Variants in BRWD3 observed in about 807,000 individuals in gnomAD.
BRWD3 encodes the protein bromodomain and WD repeat domain containing 3.
BRWD3 carries 10 observed loss-of-function variants against 149.7 expected under a neutral mutation model. The ratio of observed to expected loss-of-function variants is 0.07; its 90% CI spans 0.04 to 0.11. The LOEUF is 0.11. Ranked by LOEUF, BRWD3 falls within the 10% of genes least tolerant of loss-of-function variation. The pLI, the probability that BRWD3 is intolerant of heterozygous loss-of-function variation, is 1.00. For missense variants in BRWD3, 940 were observed against 1,373.2 expected, an observed-to-expected ratio of 0.68 and a Z score of 4.99; for synonymous variants, 504 against 456.7, an observed-to-expected ratio of 1.10 and a Z score of -1.32.
intron 6 of BRWD3, among the ~76,000 whole-genome samples, chrX:80,780,385 ATC>A (rs1225341321): frequency 2.7e-5 from 3 of 111,450 alleles, no homozygotes; most frequent in Non-Finnish European, 3.8e-5. Context: ...ATATAATAAA[ATC>A]TGTTTCATTT....
At chrX:80,716,085 G>A in intron 20 of BRWD3, 72 bp downstream of exon 20, 4 of 868,029 alleles carry the variant, frequency 4.6e-6, no homozygotes, top group African/African-American at 3.9e-5. Context: ...CACAACTGCT[G>A]CCTCTCAAAA....
In BRWD3 at chrX:80,686,987, C is replaced by T; in HGVS notation, c.3881G>A (p.Arg1294Lys). The change falls in exon 35 of 41, where the codon AGA becomes AAA. Residue 1294 changes from arginine to lysine, a missense_variant. Arg to Lys is a conservative substitution (Grantham distance 26). Around this residue, in one of 6 missense-constraint regions of BRWD3, gnomAD observed 349 missense variants for 419.6 expected, o/e 0.83. Transcript: ENST00000373275. ...AGGATTACACTTTAAAGACTGTCTT[C>T]TGCCTCGGCATTTGACCTACAGATT... ...SSGRKVKCRG[R>K]RQSLKCNPDA... 1 of 1,209,234 alleles carries T rather than the reference C, an allele frequency of 8.3e-7. No individual in the cohort carries two copies. The highest frequency in any genetic ancestry group is 1.1e-6 in the Non-Finnish European group (1 of 894,024).
chrX:80,713,588 G>C (rs1251013424), intron 20 of BRWD3, among the ~76,000 whole-genome samples: 2 of 109,922 alleles, frequency 1.8e-5, no homozygotes, highest in African/African-American at 3.3e-5. Flanking sequence ...AGGAAAACCA[G>C]AGACCTTTGT....
chrX:80,702,079 A>G lies in BRWD3; in HGVS notation c.2835+1401T>C, dbSNP rs1602322852. ...TTTTAAGAAGCAATGATCTGTATGT[A>G]GGGATATCTAGGCAAGACAATGAAG... On this transcript the variant is annotated intron_variant, in intron 24 of 40. Coordinates refer to ENST00000373275, the MANE Select transcript of BRWD3 (RefSeq NM_153252.5). 2.7e-5 allele frequency among the ~76,000 whole-genome samples: 3 copies of G among 112,344 alleles called. No homozygotes were observed. In the East Asian group the frequency reaches 8.4e-4, roughly 31 times the overall value.
chrX:80,740,603 G>C (rs1183709281), intron 8 of BRWD3, among the ~76,000 whole-genome samples: 1 of 111,458 alleles, frequency 9.0e-6, no homozygotes, highest in Non-Finnish European at 1.9e-5. Flanking sequence ...ACAAAATATA[G>C]CCGGATGTGG....
rs1330343482 is a variant in BRWD3, at chrX:80,673,346, C to A, written c.*3263G>T. On this transcript the variant is annotated 3_prime_UTR_variant, in exon 41 of 41. Transcript: ENST00000373275. ...GAGGGACACAGGTATATGACAAAACCTGGACTGGTTATCTAGAAGGCATAA... is the reference window on the plus strand; with the variant it reads ...GAGGGACACAGGTATATGACAAAACATGGACTGGTTATCTAGAAGGCATAA... 1 of 110,603 alleles carries A rather than the reference C, an allele frequency of 9.0e-6. No homozygotes were observed. The highest frequency in any genetic ancestry group is 1.9e-5 in the Non-Finnish European group (1 of 52,808). 9.1% of individuals were successfully genotyped at this position (110,603 alleles called of 1,213,427 possible). A position where few individuals can be genotyped will look rare whatever the true frequency, so the allele number is the denominator to read the frequency against.
At chrX:80,746,920 A>G (rs1348973823) in intron 6 of BRWD3, 41 of 590,055 alleles carry the variant, frequency 6.9e-5, no homozygotes, top group Non-Finnish European at 8.4e-5. Context: ...TAGCAAAATC[A>G]GTGACATGTT....
intron 6 of BRWD3, among the ~76,000 whole-genome samples, chrX:80,764,275 T>C (rs1291819651): frequency 1.8e-5 from 2 of 111,366 alleles, no homozygotes; most frequent in African/African-American, 6.5e-5. Context: ...AAAAAAGACA[T>C]GGGAGAAAAT....
At position 80,676,443 on chromosome X, in the gene BRWD3, T is replaced by C; in HGVS notation, c.*166A>G. 1.6e-6 allele frequency: 1 copy of C among 609,941 alleles called. No individual in the cohort carries two copies. Among genetic ancestry groups the C allele is most frequent in the Non-Finnish European group, 2.5e-6 (1 of 397,195 alleles). The allele number at this position is 609,941 out of a possible 1,213,427, so 50.3% of individuals were successfully genotyped here. A position where few individuals can be genotyped will look rare whatever the true frequency, so the allele number is the denominator to read the frequency against. ...GTAAGGCTTATTTGAACAAATGAAG[T>C]GTGGAGATCAAAAGTCTTGAAACAA... On this transcript the variant is annotated 3_prime_UTR_variant, in exon 41 of 41. Transcript: ENST00000373275.
chrX:80,682,167 T>C (rs970116921), intron 38 of BRWD3, 73 bp from the exon 39 acceptor site: 145 of 864,884 alleles, frequency 1.7e-4, no homozygotes, highest in Non-Finnish European at 2.1e-4. Flanking sequence ...GACAGTATGA[T>C]ACAAAGAGGT....
chrX:80,807,125 T>C lies in BRWD3; in HGVS notation c.180+1414A>G, dbSNP rs529992268. ...GTTAAAACATATTAGTAGGCACTGT[T>C]GTTTTTGCCTCTTTTAGGGGGAGGG... On this transcript the variant is annotated intron_variant, in intron 4 of 40. Coordinates refer to ENST00000373275, the MANE Select transcript of BRWD3 (RefSeq NM_153252.5). 3.6e-5 allele frequency among the ~76,000 whole-genome samples: 4 copies of C among 112,246 alleles called. No homozygotes were observed. The South Asian group carries it at 1.5e-3, about 41-fold the overall frequency.
Position 80,712,573 on chromosome X carries a change from T to C in BRWD3, c.2326-2996A>G, listed in dbSNP as rs376137184. Among the ~76,000 whole-genome samples, 623 of 107,716 alleles carry C rather than the reference T, an allele frequency of 5.8e-3. 5 individuals carry two copies. The highest frequency in any genetic ancestry group is 0.02 in the African/African-American group (568 of 28,625). 93.5% of individuals were successfully genotyped at this position (107,716 alleles called of 115,157 possible). On this transcript the variant is annotated intron_variant, in intron 20 of 40. Transcript: ENST00000373275. ...TGCAGCCTCTGCCCGGCCGCCACCC[T>C]GTCTGGGAAGTGAGGAGCGTCTCTG...
intron 4 of BRWD3, among the ~76,000 whole-genome samples, chrX:80,806,519 TA>T (rs1390580195): frequency 8.9e-6 from 1 of 111,869 alleles, no homozygotes; most frequent in African/African-American, 3.2e-5. Flanking sequence ...ACAAGAGCTA[TA>T]AAACTCATGA....
chrX:80,690,875 A>G lies in BRWD3; in HGVS notation c.3602+178T>C, dbSNP rs762246697. ...ATATTCCTCTCAGCCTTTCTTCTCT[A>G]TCCCCAAGAGTGAGAATCTACTAAA... On this transcript the variant is annotated intron_variant, in intron 31 of 40. Coordinates refer to ENST00000373275, the MANE Select transcript of BRWD3 (RefSeq NM_153252.5). Among the ~76,000 whole-genome samples the G allele has an allele frequency of 5.4e-5, 6 of 111,576 alleles. No individual in the cohort carries two copies. In the East Asian group the frequency reaches 1.7e-3, roughly 31 times the overall value.
At position 80,689,861 on chromosome X, in the gene BRWD3, A is replaced by G; in HGVS notation, c.3729-15T>C. Reference sequence around the variant, plus strand: ...AGCTCTGATCCCTAAGAAACAAGTCATTTCAAAAGCTTCAGTAATTTTTAC... The same window carrying G: ...AGCTCTGATCCCTAAGAAACAAGTCGTTTCAAAAGCTTCAGTAATTTTTAC... On this transcript the variant is annotated splice_polypyrimidine_tract_variant and intron_variant, in intron 32 of 40. Transcript: ENST00000373275. 8.5e-7 allele frequency: 1 copy of G among 1,180,530 alleles called. No individual in the cohort carries two copies. Among genetic ancestry groups the G allele is most frequent in the Non-Finnish European group, 1.1e-6 (1 of 871,401 alleles).
chrX:80,701,638 T>C (rs1008725216), intron 24 of BRWD3, among the ~76,000 whole-genome samples: 2 of 100,922 alleles, frequency 2.0e-5, no homozygotes, highest in East Asian at 3.1e-4. Context: ...ATTTCTAAAA[T>C]ACATTAACAT....
At chrX:80,768,187 C>T (rs887106973) in intron 6 of BRWD3, among the ~76,000 whole-genome samples, 1 of 111,438 alleles carries the variant, frequency 9.0e-6, no homozygotes, top group Non-Finnish European at 1.9e-5. Context: ...CTTCCCCAAC[C>T]TAGCAAGGCA....
At chrX:80,787,217 ATT>A (rs1314602751) in intron 6 of BRWD3, among the ~76,000 whole-genome samples, 3 of 111,787 alleles carry the variant, frequency 2.7e-5, no homozygotes, top group South Asian at 3.7e-4. Context: ...GAAATTAAAG[ATT>A]TACAAAAATA....
chrX:80,690,204 C>T (rs1602308775), intron 31 of BRWD3, 112 bp from the exon 32 acceptor site: 7 of 751,809 alleles, frequency 9.3e-6, no homozygotes, highest in Admixed American at 5.3e-5. Flanking sequence ...AAAGGTGTTC[C>T]AATATGCATA....
Sources: allele counts gnomAD v4.1 joint callset (sites outside exome capture counted in the v4.1 genomes callset), GRCh38; gene constraint gnomAD v4.1.1; regional missense constraint gnomAD v4.1.1; transcripts MANE v1.5; gene names NCBI Gene and HGNC (gene_info 2026-07-23, HGNC 2026-07-21).